NDST3: variants seen among roughly 807,000 people sequenced by gnomAD.
NDST3 encodes the protein bifunctional heparan sulfate N-deacetylase/N-sulfotransferase 3.
In NDST3, 58 loss-of-function variants were observed where a neutral mutation model predicts 96.1. That is an observed-to-expected ratio of 0.60 (90% CI 0.49 to 0.75). The LOEUF (loss-of-function observed/expected upper bound fraction) is 0.75, where lower values mean the gene tolerates loss of function less well. NDST3 is among the 30% of genes least tolerant of loss of function. The pLI, the probability that NDST3 is intolerant of heterozygous loss-of-function variation, is 0.00. For synonymous variants in NDST3, 333 were observed against 359.7 expected, an observed-to-expected ratio of 0.93 and a Z score of 0.84; for missense variants, 788 against 1,034.2, an observed-to-expected ratio of 0.76 and a Z score of 3.27.
rs1052424388 is a variant in NDST3, at chr4:118,257,812, A to G, written c.*2100A>G. The G allele has an allele frequency of 2.0e-5, 3 of 152,350 alleles. No homozygotes were observed. The East Asian group carries it at 5.8e-4, about 29-fold the overall frequency. The allele number at this position is 152,350 out of a possible 1,614,324, so 9.4% of individuals were successfully genotyped here. A position where few individuals can be genotyped will look rare whatever the true frequency, so the allele number is the denominator to read the frequency against. ...CAAAGTGATTTGGACAAATATGGGA[A>G]ACACAGTCTTCATGCTTACTGCTGT... On this transcript the variant is annotated 3_prime_UTR_variant, in exon 14 of 14. Coordinates refer to ENST00000296499, the MANE Select transcript of NDST3 (RefSeq NM_004784.3).
At chr4:118,058,521 GA>G (rs1725625279) in intron 2 of NDST3, among the ~76,000 whole-genome samples, 1 of 149,904 alleles carries the variant, frequency 6.7e-6, no homozygotes, top group African/African-American at 2.5e-5. Context: ...AACCAAAGAA[GA>G]AAATTGTTTA....
intron 1 of NDST3, among the ~76,000 whole-genome samples, chr4:118,034,988 G>T (rs1724068391): frequency 6.6e-6 from 1 of 151,928 alleles, no homozygotes; most frequent in African/African-American, 2.4e-5. Flanking sequence ...ATCCTCAAAA[G>T]GCTTTCTATT....
intron 4 of NDST3, among the ~76,000 whole-genome samples, chr4:118,131,448 T>G (rs1348650821): frequency 6.6e-6 from 1 of 152,098 alleles, no homozygotes; most frequent in African/African-American, 2.4e-5. Flanking sequence ...TTCTTTCTCA[T>G]TATTTCAATC....
intron 2 of NDST3, among the ~76,000 whole-genome samples, chr4:118,068,622 G>A (rs1472786519): frequency 6.6e-6 from 1 of 152,028 alleles, no homozygotes; most frequent in Admixed American, 6.6e-5. Flanking sequence ...AGATCAGGGG[G>A]AAGTGAGGGG....
intron 11 of NDST3, among the ~76,000 whole-genome samples, chr4:118,241,413 A>G (rs1055045939): frequency 6.6e-6 from 1 of 152,240 alleles, no homozygotes; most frequent in Admixed American, 6.5e-5. Context: ...GAGAAGAGGT[A>G]TGGATAGACA....
chr4:118,142,242 A>G (rs1006534043), intron 5 of NDST3, among the ~76,000 whole-genome samples: 1 of 151,922 alleles, frequency 6.6e-6, no homozygotes, highest in African/African-American at 2.4e-5. Flanking sequence ...TATTTTATTA[A>G]GATAAAATAG....
chr4:118,116,809 G>T (rs1348066016), intron 4 of NDST3, among the ~76,000 whole-genome samples: 1 of 151,628 alleles, frequency 6.6e-6, no homozygotes, highest in Non-Finnish European at 1.5e-5. Flanking sequence ...AGTGAGCTGA[G>T]ATTGCACCAC....
chr4:118,111,629 C>A (rs1205870375), intron 3 of NDST3, among the ~76,000 whole-genome samples: 1 of 151,412 alleles, frequency 6.6e-6, no homozygotes, highest in Admixed American at 6.6e-5. Context: ...CTCTGCCTCC[C>A]GGGTTAACGC....
Position 118,054,539 on chromosome 4 carries a change from T to C in NDST3, c.629T>C (p.Leu210Pro), listed in dbSNP as rs1457040874. 2 of 1,613,222 alleles carry C rather than the reference T, an allele frequency of 1.2e-6. No homozygotes were observed. The highest frequency in any genetic ancestry group is 2.2e-5 in the East Asian group (1 of 44,852). The stretch of plus-strand genomic sequence containing the variant: ...ATTCGTGTGACCAAATCTTCCAAGC[T>C]TGAAAAAGGTTCTTTACCTGGAACT... ...PLIRVTKSSK[L>P]EKGSLPGTDW... The change falls in exon 2 of 14, where the codon CTT becomes CCT. Residue 210 changes from leucine (L) to proline (P), a missense_variant. By Grantham distance (98) the Leu-to-Pro change is moderately conservative. This residue lies in a region of NDST3 where 234 missense variants were observed against 256.9 expected (regional missense o/e 0.91). Coordinates refer to ENST00000296499, the MANE Select transcript of NDST3 (RefSeq NM_004784.3).
intron 6 of NDST3, chr4:118,193,624 G>A (rs1331068438): frequency 4.3e-5 from 55 of 1,276,606 alleles, no homozygotes; most frequent in South Asian, 2.9e-4. Flanking sequence ...TGGCGGCTTC[G>A]TTGTTGGGGT....
At chr4:118,088,683 C>T (rs1728626952) in intron 2 of NDST3, among the ~76,000 whole-genome samples, 1 of 151,984 alleles carries the variant, frequency 6.6e-6, no homozygotes, top group South Asian at 2.1e-4. Context: ...GTTCAAATTA[C>T]CAATAAGACT....
intron 9 of NDST3, among the ~76,000 whole-genome samples, chr4:118,235,350 C>T (rs1182982984): frequency 6.6e-6 from 1 of 152,114 alleles, no homozygotes; most frequent in Non-Finnish European, 1.5e-5. Flanking sequence ...ATTAATCGAA[C>T]ATCTTTCAAA....
At chr4:118,074,077 T>C (rs1727296596) in intron 2 of NDST3, among the ~76,000 whole-genome samples, 1 of 152,198 alleles carries the variant, frequency 6.6e-6, no homozygotes, top group Non-Finnish European at 1.5e-5. Flanking sequence ...CATGTAATTG[T>C]ATGGTTTTGA....
At chr4:118,182,521 G>T (rs1040782453) in intron 6 of NDST3, among the ~76,000 whole-genome samples, 8 of 151,658 alleles carry the variant, frequency 5.3e-5, no homozygotes, top group African/African-American at 1.7e-4. Context: ...ACAGGCAAAT[G>T]ATACTGGGAT....
Position 118,111,086 on chromosome 4 carries a change from G to A in NDST3, c.1070-3720G>A, listed in dbSNP as rs555415596. ...AAGAGCAGAAAACCAAATACCACAC[G>A]TTCTCATTTATAAGTGAGAACTAAA... On this transcript the variant is annotated intron_variant, in intron 3 of 13. Coordinates refer to ENST00000296499, the MANE Select transcript of NDST3 (RefSeq NM_004784.3). Among the ~76,000 whole-genome samples, 8 of 152,214 alleles carry A rather than the reference G, an allele frequency of 5.3e-5. No homozygotes were observed. The South Asian group carries it at 6.2e-4, about 12-fold the overall frequency.
intron 2 of NDST3, among the ~76,000 whole-genome samples, chr4:118,076,388 T>C (rs570747046): frequency 1.3e-5 from 2 of 152,342 alleles, no homozygotes; most frequent in Admixed American, 6.5e-5. Context: ...TCCTCAAATA[T>C]GATTTCTAAG....
intron 2 of NDST3, among the ~76,000 whole-genome samples, chr4:118,103,521 T>C (rs1468642089): frequency 6.6e-6 from 1 of 152,176 alleles, no homozygotes; most frequent in Non-Finnish European, 1.5e-5. Context: ...ATACAGACAC[T>C]TGTATATGTA....
Position 118,114,724 on chromosome 4 carries a change from A to C in NDST3, c.1070-82A>C. 3 of 1,433,824 alleles carry C rather than the reference A, an allele frequency of 2.1e-6. No homozygotes were observed. The South Asian group carries it at 3.9e-5, about 18-fold the overall frequency. 88.8% of individuals were successfully genotyped at this position (1,433,824 alleles called of 1,614,324 possible). On this transcript the variant is annotated intron_variant, in intron 3 of 13. Transcript: ENST00000296499. ...GATGGCTTCTAAATACATATACGAG[A>C]AAAGATTAAATAGATAAGTAGATTG...
chr4:118,175,732 G>A (rs1304936437), intron 6 of NDST3, among the ~76,000 whole-genome samples: 1 of 152,092 alleles, frequency 6.6e-6, no homozygotes, highest in Non-Finnish European at 1.5e-5. Flanking sequence ...CTGTTCCTGA[G>A]GGCATGCAGA....
Sources: gnomAD v4.1 joint callset for allele counts (sites outside exome capture counted in the v4.1 genomes callset) on GRCh38, gnomAD v4.1.1 for gene constraint, gnomAD v4.1.1 regional missense constraint, MANE v1.5 for transcripts, NCBI Gene and HGNC (gene_info 2026-07-23, HGNC 2026-07-21) for gene names.